GRIK2: variants seen among roughly 807,000 people sequenced by gnomAD.
GRIK2 encodes glutamate ionotropic receptor kainate type subunit 2.
GRIK2 carries 32 observed loss-of-function variants against 100.3 expected under a neutral mutation model. That is an observed-to-expected ratio of 0.32 (90% CI 0.24 to 0.43). The LOEUF is 0.43. Ranked by LOEUF, GRIK2 falls within the 20% of genes least tolerant of loss-of-function variation. The probability of loss-of-function intolerance (pLI) is 1.00; values close to 1 mark genes in which losing one functional copy is unlikely to be tolerated. For missense variants in GRIK2, 843 were observed against 1,114.9 expected, an observed-to-expected ratio of 0.76 and a Z score of 3.47; for synonymous variants, 417 against 389.4, an observed-to-expected ratio of 1.07 and a Z score of -0.83.
At chr6:101,759,085 G>T (rs1777319170) in intron 7 of GRIK2, among the ~76,000 whole-genome samples, 1 of 152,118 alleles carries the variant, frequency 6.6e-6, no homozygotes, top group African/African-American at 2.4e-5. Context: ...GTCTCAGAGA[G>T]TTTCATTTTT....
chr6:101,878,306 C>T (rs9377318), intron 11 of GRIK2, among the ~76,000 whole-genome samples: 12,730 of 148,484 alleles, frequency 0.086, 1,247 homozygotes, highest in East Asian at 0.52. Context: ...TTTGCATTCT[C>T]AATGGAATCT....
chr6:101,754,079 A>G (rs57817511), intron 7 of GRIK2, among the ~76,000 whole-genome samples: 7,963 of 152,144 alleles, frequency 0.052, 698 homozygotes, highest in African/African-American at 0.18. Context: ...TGGAGAAGAA[A>G]TATCACAATA....
intron 7 of GRIK2, among the ~76,000 whole-genome samples, chr6:101,731,461 G>C (rs2128371376): frequency 6.6e-6 from 1 of 152,076 alleles, no homozygotes. Context: ...GTAAGTTTTA[G>C]AATAAAAACC....
chr6:101,891,759 T>A (rs1038169884), intron 12 of GRIK2, among the ~76,000 whole-genome samples: 2 of 152,146 alleles, frequency 1.3e-5, no homozygotes, highest in African/African-American at 4.8e-5. Context: ...ATGTGACTTT[T>A]GGGGTTCTCC....
intron 12 of GRIK2, among the ~76,000 whole-genome samples, chr6:101,916,718 TTTC>T (rs1789133698): frequency 6.6e-6 from 1 of 151,688 alleles, no homozygotes; most frequent in South Asian, 2.1e-4. Context: ...ATGTAATAGT[TTTC>T]TTAAGTCATT....
Position 101,468,654 on chromosome 6 carries a change from G to A in GRIK2, c.115+69262G>A, listed in dbSNP as rs118070981. 6.1e-3 allele frequency among the ~76,000 whole-genome samples: 924 copies of A among 152,202 alleles called. 2 individuals are homozygous for A. Among genetic ancestry groups the A allele is most frequent in the Non-Finnish European group, 9.7e-3 (657 of 68,004 alleles). On this transcript the variant is annotated intron_variant, in intron 2 of 16. Transcript: ENST00000369134. ...TACAAGAACCATTCCTCTTTGAAAC[G>A]GGTACGATATAGGTCACATTTTCCT...
At chr6:101,609,686 A>G (rs1405604744) in intron 2 of GRIK2, among the ~76,000 whole-genome samples, 4 of 151,878 alleles carry the variant, frequency 2.6e-5, no homozygotes, top group Admixed American at 1.3e-4. Context: ...TTCTCCAAAC[A>G]TTTATTAAAA....
At chr6:101,991,363 C>T (rs922574249) in intron 14 of GRIK2, among the ~76,000 whole-genome samples, 1 of 149,584 alleles carries the variant, frequency 6.7e-6, no homozygotes, top group Admixed American at 6.7e-5. Context: ...GAATGTCTGA[C>T]TCCAAAGCCT....
intron 2 of GRIK2, among the ~76,000 whole-genome samples, chr6:101,473,986 C>T (rs906979349): frequency 6.6e-6 from 1 of 151,820 alleles, no homozygotes. Flanking sequence ...TTTTTTCTAA[C>T]TCATCAGCCA....
chr6:101,809,747 C>T (rs1231444539), intron 9 of GRIK2, among the ~76,000 whole-genome samples: 1 of 152,010 alleles, frequency 6.6e-6, no homozygotes, highest in African/African-American at 2.4e-5. Context: ...TGGGCAGGAT[C>T]CAAGCCTATT....
chr6:101,932,385 C>G (rs1022929173), intron 14 of GRIK2, among the ~76,000 whole-genome samples: 2 of 151,228 alleles, frequency 1.3e-5, no homozygotes, highest in African/African-American at 4.9e-5. Flanking sequence ...CATTCTATAC[C>G]TTTACATCTC....
rs1562109412 is a variant in GRIK2, at chr6:101,399,057, C to G, written c.-221C>G. The G allele has an allele frequency of 4.1e-6, 2 of 493,802 alleles. No homozygotes were observed. Among genetic ancestry groups the G allele is most frequent in the South Asian group, 7.1e-5 (2 of 28,136 alleles). The allele number at this position is 493,802 out of a possible 1,614,324, so 30.6% of individuals were successfully genotyped here. On this transcript the variant is annotated 5_prime_UTR_variant, in exon 2 of 17. Transcript: ENST00000369134. ...ATGCTCTCCGACTAACATGGATGTCCCACCATTCCTTGCAGTGGAAGGTTG... is the reference window on the plus strand; with the variant it reads ...ATGCTCTCCGACTAACATGGATGTCGCACCATTCCTTGCAGTGGAAGGTTG...
At chr6:102,035,653 T>C in intron 15 of GRIK2, 87 bp downstream of exon 15, 1 of 717,648 alleles carries the variant, frequency 1.4e-6, no homozygotes, top group Non-Finnish European at 2.4e-6. Context: ...ACGTATGCCA[T>C]TAGGAATTTT....
chr6:101,606,442 G>C (rs1249257710), intron 2 of GRIK2, among the ~76,000 whole-genome samples: 1 of 151,932 alleles, frequency 6.6e-6, no homozygotes, highest in East Asian at 1.9e-4. Flanking sequence ...CATGTGCTCA[G>C]CATTGTGCTG....
chr6:101,484,177 T>C (rs193252036), intron 2 of GRIK2, among the ~76,000 whole-genome samples: 1 of 152,326 alleles, frequency 6.6e-6, no homozygotes, highest in African/African-American at 2.4e-5. Flanking sequence ...GAGTAGATAA[T>C]AGTCCCAGTT....
intron 15 of GRIK2, among the ~76,000 whole-genome samples, chr6:102,050,734 CAG>C (rs991737251): frequency 4.7e-5 from 6 of 126,854 alleles, no homozygotes; most frequent in African/African-American, 9.0e-5. Context: ...AAAGGGAACA[CAG>C]AGGAATGAAA....
chr6:101,688,624 G>A (rs978363093), intron 7 of GRIK2, among the ~76,000 whole-genome samples: 2 of 151,892 alleles, frequency 1.3e-5, no homozygotes, highest in African/African-American at 4.8e-5. Flanking sequence ...ACTGGCAGAT[G>A]ATTTCTTGGA....
chr6:101,856,532 T>C (rs1414408505), intron 10 of GRIK2, among the ~76,000 whole-genome samples: 14 of 152,006 alleles, frequency 9.2e-5, no homozygotes, highest in Non-Finnish European at 1.5e-5. Flanking sequence ...AAAGTAGGAA[T>C]AAAATTTAAG....
In GRIK2 at chr6:101,932,153, A is replaced by G. The variant is rs1201995870; in HGVS notation, c.2085+3521A>G. Among the ~76,000 whole-genome samples, 3 of 152,054 alleles carry G rather than the reference A, an allele frequency of 2.0e-5. 1 individual carries two copies. The highest frequency in any genetic ancestry group is 7.2e-5 in the African/African-American group (3 of 41,444). On this transcript the variant is annotated intron_variant, in intron 14 of 16. Coordinates refer to ENST00000369134, the MANE Select transcript of GRIK2 (RefSeq NM_021956.5). ...TACCGAGTGCCCTTGTTTCTATGAA[A>G]TCCATGACTCAAGTTTTCCAGTTTT...
Sources: gnomAD v4.1 joint callset for allele counts (sites outside exome capture counted in the v4.1 genomes callset) on GRCh38, gnomAD v4.1.1 for gene constraint, MANE v1.5 for transcripts, NCBI Gene and HGNC (gene_info 2026-07-23, HGNC 2026-07-21) for gene names.